Variants in VPS13D observed in about 807,000 individuals in gnomAD.
VPS13D encodes vacuolar protein sorting 13 homolog D, also known as intermembrane lipid transfer protein VPS13D.
Under a neutral mutation model 461.9 loss-of-function variants are expected in VPS13D, and 187 were observed. The ratio of observed to expected loss-of-function variants is 0.40; its 90% CI spans 0.36 to 0.46. VPS13D has a LOEUF of 0.46. VPS13D is among the 20% of genes least tolerant of loss of function. VPS13D has a pLI of 0.60. For synonymous variants in VPS13D, 1,951 were observed against 1,986.3 expected (o/e 0.98, Z 0.47); for missense variants, 4,711 against 5,364.9 (o/e 0.88, Z 3.81).
At chr1:12,235,172 C>T (rs549617236) in intron 2 of VPS13D, among the ~76,000 whole-genome samples, 91 of 152,144 alleles carry the variant, frequency 6.0e-4, no homozygotes, top group Non-Finnish European at 1.1e-3. Flanking sequence ...GAAACCTCAC[C>T]TTTGTGGATG....
chr1:12,329,694 T>C (rs1643280748), intron 36 of VPS13D, 135 bp from the exon 37 acceptor site: 2 of 637,468 alleles, frequency 3.1e-6, no homozygotes, highest in South Asian at 1.9e-5. Flanking sequence ...AAAAAGTACA[T>C]GATGAACAAA....
intron 67 of VPS13D, among the ~76,000 whole-genome samples, chr1:12,487,642 G>A (rs1252147929): frequency 1.3e-5 from 2 of 150,580 alleles, no homozygotes; most frequent in East Asian, 3.9e-4. Flanking sequence ...AAATCACAAA[G>A]CAGGTCCCCT....
chr1:12,279,399 T>A lies in VPS13D; in HGVS notation c.4451-100T>A. 7.4e-7 allele frequency: 1 copy of A among 1,346,862 alleles called. No homozygotes were observed. The highest frequency in any genetic ancestry group is 9.9e-7 in the Non-Finnish European group (1 of 1,015,166). The allele number at this position is 1,346,862 out of a possible 1,614,324, so 83.4% of individuals were successfully genotyped here. Reference sequence around the variant, plus strand: ...GGCTAACCTGCCCTCCTGGTCTAAGTGTAACTCATGGGCTGTATTTTGTAT... The same window carrying A: ...GGCTAACCTGCCCTCCTGGTCTAAGAGTAACTCATGGGCTGTATTTTGTAT... On this transcript the variant is annotated intron_variant, in intron 19 of 69. Transcript: ENST00000620676. The surrounding 1 kb of genome is among the most constrained non-coding windows in gnomAD (Gnocchi z 4.3).
At chr1:12,508,768 C>A in intron 69 of VPS13D, 125 bp from the exon 70 acceptor site, 1 of 1,044,774 alleles carries the variant, frequency 9.6e-7, no homozygotes, top group Non-Finnish European at 1.4e-6. Context: ...CTGGCCATCA[C>A]TGTTTCTTTG....
rs149995860 is a variant in VPS13D at position 12,234,363 on chromosome 1, G to C, written c.97G>C (p.Gly33Arg). 3.0e-5 allele frequency: 48 copies of C among 1,612,726 alleles called. No individual in the cohort carries two copies. The highest frequency in any genetic ancestry group is 4.0e-5 in the Non-Finnish European group (47 of 1,179,086). ...CCAGCTCTCAGTTGCACTTCTCAAA[G>C]GTGAGTATTTCTCTGGGTGAGATAC... ...TDQLSVALLK[G>R]AVELENLPLK... Residue 33 changes from glycine to arginine, a missense_variant and splice_region_variant, in exon 2 of 70, where the codon GGT becomes CGT. Coordinates refer to ENST00000620676, the MANE Select transcript of VPS13D (RefSeq NM_015378.4).
At position 12,352,163 on chromosome 1, in the gene VPS13D, C is replaced by T. The variant is rs370840659; in HGVS notation, c.9432-1811C>T. The stretch of plus-strand genomic sequence containing the variant: ...CAAATTAGCCAGACATGGTGGTACA[C>T]GCCTGTAATCCCAGCTACTCCAGAG... On this transcript the variant is annotated intron_variant, in intron 46 of 69. Coordinates refer to ENST00000620676, the MANE Select transcript of VPS13D (RefSeq NM_015378.4). Among the ~76,000 whole-genome samples, 9 of 151,748 alleles carry T rather than the reference C, an allele frequency of 5.9e-5. No individual in the cohort carries two copies. In the South Asian group the frequency reaches 1.0e-3, roughly 18 times the overall value.
At chr1:12,338,088 A>G in intron 39 of VPS13D, 143 bp from the exon 40 acceptor site, 1 of 690,778 alleles carries the variant, frequency 1.4e-6, no homozygotes, top group East Asian at 2.5e-5. Context: ...GTGCTTAGTA[A>G]TCACTGATGG....
intron 41 of VPS13D, among the ~76,000 whole-genome samples, chr1:12,342,550 G>C (rs1359436933): frequency 6.6e-6 from 1 of 152,194 alleles, no homozygotes; most frequent in Non-Finnish European, 1.5e-5. Context: ...TGCTCTAGAA[G>C]AGAAGCTTTT....
At chr1:12,332,136 A>G (rs911104001) in intron 37 of VPS13D, among the ~76,000 whole-genome samples, 1 of 152,194 alleles carries the variant, frequency 6.6e-6, no homozygotes, top group Non-Finnish European at 1.5e-5. Flanking sequence ...GTGTAAAACA[A>G]TTTGGCATGA....
intron 42 of VPS13D, 33 bp from the exon 43 acceptor site, chr1:12,345,341 G>A (rs373611923): frequency 5.4e-5 from 86 of 1,589,474 alleles, no homozygotes; most frequent in Non-Finnish European, 7.0e-5. Flanking sequence ...TGGAGATTGT[G>A]CCTAATATCT....
rs774511968 is a variant in VPS13D, at chr1:12,322,517, C to CT, written c.7705-13dup. On this transcript the variant is annotated intron_variant, in intron 33 of 69. Coordinates refer to ENST00000620676, the MANE Select transcript of VPS13D (RefSeq NM_015378.4). ...CAATGCAGCTTTAAAAAATTGCTAC[C>CT]TTTTTTACATTTTGTTAGATTCAGT... is the stretch of plus-strand genomic sequence containing the variant. The CT allele has an allele frequency of 1.9e-6, 3 of 1,611,348 alleles. No homozygotes were observed. The African/African-American group carries it at 4.0e-5, about 22-fold the overall frequency.
At chr1:12,247,945 T>C (rs1273510893) in intron 5 of VPS13D, among the ~76,000 whole-genome samples, 2 of 151,214 alleles carry the variant, frequency 1.3e-5, no homozygotes, top group African/African-American at 2.4e-5. Context: ...TGCAGTGCAG[T>C]GGCGTGATCC....
At chr1:12,484,859 A>G (rs768900440) in intron 67 of VPS13D, among the ~76,000 whole-genome samples, 4 of 151,986 alleles carry the variant, frequency 2.6e-5, no homozygotes, top group Non-Finnish European at 4.4e-5. Flanking sequence ...ATGGAGCCTC[A>G]TAATCATTCA....
At chr1:12,259,699 T>C (rs942345817) in intron 10 of VPS13D, among the ~76,000 whole-genome samples, 1 of 152,226 alleles carries the variant, frequency 6.6e-6, no homozygotes, top group African/African-American at 2.4e-5. Context: ...AAAATCTCCT[T>C]TGTTCTTAAT....
chr1:12,283,795 T>C, intron 21 of VPS13D, 59 bp downstream of exon 21: 1 of 1,482,918 alleles, frequency 6.7e-7, no homozygotes, highest in African/African-American at 1.4e-5. Context: ...GCTTGTTGAT[T>C]TAAATACAAG....
chr1:12,313,425 A>G (rs1374254976), intron 29 of VPS13D, among the ~76,000 whole-genome samples: 1 of 146,930 alleles, frequency 6.8e-6, no homozygotes, highest in Admixed American at 7.0e-5. Flanking sequence ...CTCCCACCTC[A>G]GCCCCACCGA....
intron 29 of VPS13D, 126 bp downstream of exon 29, chr1:12,312,051 CTTTT>C: frequency 1.1e-5 from 7 of 627,052 alleles, no homozygotes; most frequent in South Asian, 3.2e-5. Context: ...TGCAGAGTGT[CTTTT>C]GGTTGATCTA....
At chr1:12,423,922 A>G (rs1407310799) in intron 65 of VPS13D, among the ~76,000 whole-genome samples, 1 of 152,254 alleles carries the variant, frequency 6.6e-6, no homozygotes, top group Non-Finnish European at 1.5e-5. Flanking sequence ...ATCTTTGCAC[A>G]AAAGAATGCA....
intron 67 of VPS13D, among the ~76,000 whole-genome samples, chr1:12,461,851 T>G (rs1239172088): frequency 6.6e-6 from 1 of 152,238 alleles, no homozygotes; most frequent in Non-Finnish European, 1.5e-5. Context: ...GGCTTGAATT[T>G]TATACATTGT....
Sources: gnomAD v4.1 joint callset for allele counts (sites outside exome capture counted in the v4.1 genomes callset) on GRCh38, gnomAD v4.1.1 for gene constraint, Gnocchi (gnomAD v3.1) non-coding constraint, MANE v1.5 for transcripts, NCBI Gene and HGNC (gene_info 2026-07-23, HGNC 2026-07-21) for gene names.